PREX2: variants seen among roughly 807,000 people sequenced by gnomAD.
PREX2 encodes the protein phosphatidylinositol-3,4,5-trisphosphate dependent Rac exchange factor 2.
In PREX2, 107 loss-of-function variants were observed where a neutral mutation model predicts 203.2. The observed-to-expected ratio is 0.53, with a 90% confidence interval of 0.45 to 0.62. The LOEUF is 0.62. PREX2 is among the 20% of genes least tolerant of loss of function. The probability of loss-of-function intolerance (pLI) is 0.00; values close to 1 mark genes in which losing one functional copy is unlikely to be tolerated. For missense variants in PREX2, 1,777 were observed against 1,955.9 expected (o/e 0.91, Z 1.72); for synonymous variants, 672 against 663.6 (o/e 1.01, Z -0.19).
chr8:68,083,183 A>T, intron 17 of PREX2, 57 bp from the exon 18 acceptor site: 1 of 1,362,302 alleles, frequency 7.3e-7, no homozygotes, highest in Non-Finnish European at 1.0e-6. Flanking sequence ...TTTGTGAAAA[A>T]CTCAAAATTT....
chr8:67,958,697 C>A (rs78970686), intron 1 of PREX2, among the ~76,000 whole-genome samples: 1 of 152,018 alleles, frequency 6.6e-6, no homozygotes, highest in Non-Finnish European at 1.5e-5. Flanking sequence ...ACAAATCAAA[C>A]GCCCAACTAT....
At chr8:68,175,193 A>G (rs906390717) in intron 35 of PREX2, among the ~76,000 whole-genome samples, 4 of 152,122 alleles carry the variant, frequency 2.6e-5, no homozygotes, top group Admixed American at 6.6e-5. Flanking sequence ...GGCCAGGCGG[A>G]GAGCAGTGGA....
intron 27 of PREX2, 38 bp from the exon 28 acceptor site, chr8:68,119,394 A>ATTTTGGT (rs1810722060): frequency 7.3e-7 from 1 of 1,377,856 alleles, no homozygotes; most frequent in Non-Finnish European, 1.0e-6. Flanking sequence ...AAGATGAGTG[A>ATTTTGGT]TTTTGGTTTT....
chr8:68,126,466 C>T lies in PREX2; in HGVS notation c.3725-912C>T, dbSNP rs181344947. 3.0e-4 allele frequency among the ~76,000 whole-genome samples: 46 copies of T among 152,124 alleles called. 1 individual carries two copies. The highest frequency in any genetic ancestry group is 3.0e-3 in the Admixed American group (46 of 15,276). ...CTAAAGCCACAAAGCTAGTATATAA[C>T]AGCAGTCTTCTGACTCTTAGCTTAT... On this transcript the variant is annotated intron_variant, in intron 30 of 39. Coordinates refer to ENST00000288368, the MANE Select transcript of PREX2 (RefSeq NM_024870.4).
rs538691515 is a variant in PREX2, at chr8:67,975,331, T to C, written c.141+22796T>C. 2.7e-5 allele frequency among the ~76,000 whole-genome samples: 4 copies of C among 148,352 alleles called. No individual in the cohort carries two copies. In the South Asian group the frequency reaches 8.8e-4, roughly 33 times the overall value. On this transcript the variant is annotated intron_variant, in intron 1 of 39. Transcript: ENST00000288368. ...TGTCTGTGTGTGTGTGTCCTATTCA[T>C]TGTGTTGCTATATAAGTACCTGTAG... is the stretch of plus-strand genomic sequence containing the variant.
chr8:68,004,035 T>C (rs1250643622), intron 1 of PREX2, among the ~76,000 whole-genome samples: 2 of 152,100 alleles, frequency 1.3e-5, no homozygotes, highest in Non-Finnish European at 2.9e-5. Context: ...TTTGTATTTT[T>C]AATAGAGACA....
intron 25 of PREX2, among the ~76,000 whole-genome samples, chr8:68,111,626 C>G (rs1021774544): frequency 1.3e-5 from 2 of 152,118 alleles, no homozygotes; most frequent in Non-Finnish European, 2.9e-5. Context: ...AAAAGTGGCA[C>G]ACAGTGAGCA....
chr8:68,194,081 T>G (rs138576301), intron 37 of PREX2, among the ~76,000 whole-genome samples: 2 of 152,228 alleles, frequency 1.3e-5, no homozygotes, highest in African/African-American at 4.8e-5. Context: ...ATCAAAGCTT[T>G]GAAAGTTTTT....
At chr8:68,158,111 GTGTA>G (rs1212790789) in intron 35 of PREX2, among the ~76,000 whole-genome samples, 2,452 of 26,900 alleles carry the variant, frequency 0.091, 56 homozygotes, top group African/African-American at 0.35. Context: ...ATATATATGT[GTGTA>G]TATATATGTA....
At chr8:67,978,150 T>C (rs1806162453) in intron 1 of PREX2, among the ~76,000 whole-genome samples, 1 of 152,196 alleles carries the variant, frequency 6.6e-6, no homozygotes, top group Non-Finnish European at 1.5e-5. Flanking sequence ...GTCCACCTGG[T>C]GTCCACTGCA....
intron 20 of PREX2, among the ~76,000 whole-genome samples, chr8:68,092,526 A>G (rs989171370): frequency 6.6e-6 from 1 of 152,196 alleles, no homozygotes; most frequent in Non-Finnish European, 1.5e-5. Context: ...TAGTCATCTC[A>G]TCTCTCTCAT....
At chr8:68,122,477 T>A (rs940652390) in intron 30 of PREX2, among the ~76,000 whole-genome samples, 1 of 152,070 alleles carries the variant, frequency 6.6e-6, no homozygotes, top group Non-Finnish European at 1.5e-5. Context: ...AAAACTATTA[T>A]GTTTTAGAAA....
intron 11 of PREX2, among the ~76,000 whole-genome samples, chr8:68,065,323 G>C (rs1164854865): frequency 6.6e-6 from 1 of 152,174 alleles, no homozygotes; most frequent in Non-Finnish European, 1.5e-5. Flanking sequence ...GGAATAGGTA[G>C]ATTGCATAGG....
chr8:67,975,870 A>ATTTTT, intron 1 of PREX2, among the ~76,000 whole-genome samples: 1 of 133,174 alleles, frequency 7.5e-6, no homozygotes, highest in Non-Finnish European at 1.6e-5. Context: ...TGCCCGGCTA[A>ATTTTT]TTTTTTTTTT....
At position 68,038,360 on chromosome 8, in the gene PREX2, G is replaced by A. The variant is rs1473250450; in HGVS notation, c.839+68G>A. ...TCTACCTTTCCCTCTGTGCTTCCCAGAACTCATCTATCCAGCTCACAGTTT... is the reference window on the plus strand; with the variant it reads ...TCTACCTTTCCCTCTGTGCTTCCCAAAACTCATCTATCCAGCTCACAGTTT... On this transcript the variant is annotated intron_variant, in intron 7 of 39. Transcript: ENST00000288368. 7 of 1,513,264 alleles carry A rather than the reference G, an allele frequency of 4.6e-6. No homozygotes were observed. In the Admixed American group the frequency reaches 1.1e-4, roughly 23 times the overall value. The allele number at this position is 1,513,264 out of a possible 1,614,324, so 93.7% of individuals were successfully genotyped here. A position where few individuals can be genotyped will look rare whatever the true frequency, so the allele number is the denominator to read the frequency against.
At position 68,105,550 on chromosome 8, in the gene PREX2, C is replaced by A. The variant is rs554094295; in HGVS notation, c.2716-2559C>A. On this transcript the variant is annotated intron_variant, in intron 23 of 39. Coordinates refer to ENST00000288368, the MANE Select transcript of PREX2 (RefSeq NM_024870.4). ...ACTCCATTAACACTTCTTGACATCA[C>A]CCTATTCATTTCCTTTTCAGCTTGT... 3.8e-5 allele frequency: 42 copies of A among 1,114,568 alleles called. No homozygotes were observed. In the South Asian group the frequency reaches 9.7e-4, roughly 26 times the overall value. 69.0% of individuals were successfully genotyped at this position (1,114,568 alleles called of 1,614,324 possible). A position where few individuals can be genotyped will look rare whatever the true frequency, so the allele number is the denominator to read the frequency against.
chr8:68,147,980 C>A (rs1194459691), intron 34 of PREX2, among the ~76,000 whole-genome samples: 1 of 152,120 alleles, frequency 6.6e-6, no homozygotes, highest in Non-Finnish European at 1.5e-5. Context: ...GTTGCGGTGG[C>A]TCACGCATGT....
At chr8:68,221,995 A>G (rs1250041575) in intron 38 of PREX2, among the ~76,000 whole-genome samples, 6 of 152,222 alleles carry the variant, frequency 3.9e-5, no homozygotes, top group African/African-American at 7.2e-5. Flanking sequence ...AAAGTTACAA[A>G]TAAGGAAAGG....
intron 35 of PREX2, among the ~76,000 whole-genome samples, chr8:68,172,584 A>G (rs1259045931): frequency 2.6e-5 from 4 of 152,218 alleles, no homozygotes; most frequent in Admixed American, 6.5e-5. Flanking sequence ...ATCTTAAGCC[A>G]TTGGGGATGT....
Sources: gnomAD v4.1 joint callset for allele counts (sites outside exome capture counted in the v4.1 genomes callset) on GRCh38, gnomAD v4.1.1 for gene constraint, MANE v1.5 for transcripts, NCBI Gene and HGNC (gene_info 2026-07-23, HGNC 2026-07-21) for gene names.